Variants in CCDC13 observed in about 807,000 individuals in gnomAD.
The protein encoded by CCDC13 is coiled-coil domain containing 13, also known as coiled-coil domain-containing protein 13.
In CCDC13, 70 loss-of-function variants were observed where a neutral mutation model predicts 87.3. The ratio of observed to expected loss-of-function variants is 0.80; its 90% CI spans 0.66 to 0.98. The LOEUF is 0.98. Among genes scored for constraint, CCDC13 ranks in the 50% least tolerant of loss-of-function variants. The probability of loss-of-function intolerance (pLI) is 0.00; values close to 1 mark genes in which losing one functional copy is unlikely to be tolerated. For missense variants in CCDC13, 842 were observed against 892.0 expected (o/e 0.94, Z 0.71); for synonymous variants, 317 against 360.3 (o/e 0.88, Z 1.36).
intron 2 of CCDC13, among the ~76,000 whole-genome samples, 177 bp from the exon 3 acceptor site, chr3:42,757,391 C>A (rs1699728175): frequency 1.3e-5 from 2 of 152,164 alleles, no homozygotes; most frequent in Admixed American, 1.3e-4. Flanking sequence ...ATAAAAAAAC[C>A]CACTCATAAT....
At chr3:42,759,073 C>T (rs888677160) in intron 1 of CCDC13, among the ~76,000 whole-genome samples, 2 of 152,214 alleles carry the variant, frequency 1.3e-5, no homozygotes, top group Admixed American at 1.3e-4. Context: ...GCAATCACAG[C>T]ACTTTGGGAG....
rs554341366 is a variant in CCDC13 at position 42,706,142 on chromosome 3, G to A, written c.*2838C>T. 155 of 152,364 alleles carry A rather than the reference G, an allele frequency of 1.0e-3. No individual in the cohort carries two copies. Among genetic ancestry groups the A allele is most frequent in the Non-Finnish European group, 1.9e-3 (131 of 68,138 alleles). 9.4% of individuals were successfully genotyped at this position (152,364 alleles called of 1,614,324 possible). On this transcript the variant is annotated 3_prime_UTR_variant, in exon 16 of 16. Transcript: ENST00000310232. ...CACCTCTAGGTCCCTCCCAGGCCTGGAGAGGCTGGCATGCTGTTGGCACTC... is the reference window on the plus strand; with the variant it reads ...CACCTCTAGGTCCCTCCCAGGCCTGAAGAGGCTGGCATGCTGTTGGCACTC...
At chr3:42,770,892 C>T (rs1302081319) in intron 1 of CCDC13, 2 of 152,452 alleles carry the variant, frequency 1.3e-5, no homozygotes, top group East Asian at 1.9e-4. Context: ...ACTCTGAACA[C>T]ATCTTGACAT....
intron 1 of CCDC13, among the ~76,000 whole-genome samples, chr3:42,769,947 C>T (rs1700024950): frequency 6.6e-6 from 1 of 152,256 alleles, no homozygotes; most frequent in Non-Finnish European, 1.5e-5. Context: ...CCTGAGCCTC[C>T]CCCTGCCACC....
intron 1 of CCDC13, among the ~76,000 whole-genome samples, chr3:42,760,168 G>C (rs915133141): frequency 5.3e-5 from 8 of 151,986 alleles, no homozygotes; most frequent in Admixed American, 1.3e-4. Context: ...ACATGTGCCT[G>C]TAATCCCTGC....
At chr3:42,772,989 A>G (rs1446476781) in intron 1 of CCDC13, among the ~76,000 whole-genome samples, 187 bp downstream of exon 1, 1 of 152,118 alleles carries the variant, frequency 6.6e-6, no homozygotes, top group Non-Finnish European at 1.5e-5. Flanking sequence ...GGGTTAGAAG[A>G]GGGCTGTGTG....
chr3:42,772,970 C>T lies in CCDC13; in HGVS notation c.-7+206G>A, dbSNP rs545518246. ...ACCCATGTACTGCATGGAAAATAAGCGTCTGCCTGGGTTAGAAGAGGGCTG... is the reference window on the plus strand; with the variant it reads ...ACCCATGTACTGCATGGAAAATAAGTGTCTGCCTGGGTTAGAAGAGGGCTG... On this transcript the variant is annotated intron_variant, in intron 1 of 15. Transcript: ENST00000310232. Among the ~76,000 whole-genome samples the T allele has an allele frequency of 6.2e-4, 94 of 152,300 alleles. 1 individual carries two copies. The Middle Eastern group carries it at 0.017, about 28-fold the overall frequency.
At chr3:42,739,902 G>A in intron 8 of CCDC13, 92 bp from the exon 9 acceptor site, 1 of 1,247,284 alleles carries the variant, frequency 8.0e-7, no homozygotes, top group Non-Finnish European at 1.1e-6. Flanking sequence ...CAAGGCCCGG[G>A]GCTGGGGGTG....
In CCDC13 at chr3:42,709,778, T is replaced by C. The variant is rs562867102; in HGVS notation, c.1894A>G (p.Arg632Gly). The part of the protein sequence containing the change: ...TKTGLPTSNN[R>G]HNPTGSEKKD... ...TTCTCGCTCCCGGTTGGGTTGTGCC[T>C]GTTGTTAGAGGTGGGCAGACCTGTG... Residue 632 changes from arginine to glycine, a missense_variant, in exon 15 of 16, where the codon AGG (arginine) becomes GGG (glycine). Coordinates refer to ENST00000310232, the MANE Select transcript of CCDC13 (RefSeq NM_144719.4). 373 of 1,614,104 alleles carry C rather than the reference T, an allele frequency of 2.3e-4. 2 individuals are homozygous for C. In the South Asian group the frequency reaches 2.9e-3, roughly 13 times the overall value.
chr3:42,713,146 C>T lies in CCDC13; in HGVS notation c.1873+16G>A. 6.2e-7 allele frequency: 1 copy of T among 1,611,906 alleles called. No homozygotes were observed. Among genetic ancestry groups the T allele is most frequent in the Non-Finnish European group, 8.5e-7 (1 of 1,178,878 alleles). ...GCCTCCACCCCCTGCACTGAGACTA[C>T]TGCCCTGGCCCCTACCTGTTTTGGT... On this transcript the variant is annotated intron_variant, in intron 14 of 15. Transcript: ENST00000310232.
At chr3:42,743,216 G>T in intron 7 of CCDC13, 159 bp from the exon 8 acceptor site, 1 of 740,228 alleles carries the variant, frequency 1.4e-6, no homozygotes, top group Non-Finnish European at 2.2e-6. Flanking sequence ...GACAATCTGA[G>T]CTGGCATCTT....
At position 42,752,605 on chromosome 3, in the gene CCDC13, CA is replaced by C. The variant is rs911998224; in HGVS notation, c.482del (p.Leu161ArgfsTer16). The C allele has an allele frequency of 3.7e-6, 6 of 1,614,118 alleles. No individual in the cohort carries two copies. The African/African-American group carries it at 8.0e-5, about 22-fold the overall frequency. ...GCTCCAGCTCCTGGATGCGATTGGT[CA>C]GCTGCTTCACCCTGGTTTTTGCACC... ...SEGAKTRVKQ[L>X]TNRIQELERE... On this transcript the variant is annotated frameshift_variant, in exon 4 of 16. Coordinates refer to ENST00000310232, the MANE Select transcript of CCDC13 (RefSeq NM_144719.4). LOFTEE classifies it high-confidence loss of function.
At chr3:42,718,694 G>C (rs375356962) in intron 13 of CCDC13, among the ~76,000 whole-genome samples, 2 of 152,014 alleles carry the variant, frequency 1.3e-5, no homozygotes, top group African/African-American at 4.8e-5. Flanking sequence ...TGGTGACCAC[G>C]GAAGCGACTA....
rs771765133 is a variant in CCDC13 at position 42,721,125 on chromosome 3, T to TA, written c.1719-7810dup. 2.0e-5 allele frequency among the ~76,000 whole-genome samples: 3 copies of TA among 152,242 alleles called. No individual in the cohort carries two copies. The East Asian group carries it at 5.8e-4, about 29-fold the overall frequency. On this transcript the variant is annotated intron_variant, in intron 13 of 15. Transcript: ENST00000310232. ...CTGGTATATGTTCCAAAATTATTTT[T>TA]AAAACTCCTATAATTCTGATATGAC...
chr3:42,745,729 G>C (rs950604963), intron 7 of CCDC13, 194 bp downstream of exon 7: 4 of 503,158 alleles, frequency 7.9e-6, no homozygotes, highest in African/African-American at 1.9e-5. Context: ...ATAAGAGCTT[G>C]TTCATTAAAT....
intron 2 of CCDC13, 27 bp downstream of exon 2, chr3:42,758,098 C>A: frequency 6.4e-7 from 1 of 1,567,874 alleles, no homozygotes; most frequent in Non-Finnish European, 8.8e-7. Flanking sequence ...CACACACACC[C>A]CTGAGAGATT....
intron 13 of CCDC13, among the ~76,000 whole-genome samples, chr3:42,722,252 T>A (rs1698581209): frequency 6.6e-6 from 1 of 152,198 alleles, no homozygotes; most frequent in Non-Finnish European, 1.5e-5. Context: ...AGGAATATCA[T>A]CGCCCCTATT....
chr3:42,748,245 A>C (rs1288656752), intron 5 of CCDC13, among the ~76,000 whole-genome samples: 2 of 152,238 alleles, frequency 1.3e-5, no homozygotes, highest in African/African-American at 4.8e-5. Flanking sequence ...GATGAAAATA[A>C]GGCCCAGAGA....
chr3:42,757,102 T>C lies in CCDC13; in HGVS notation c.334A>G (p.Lys112Glu), dbSNP rs1439103604. 4.3e-6 allele frequency: 7 copies of C among 1,614,110 alleles called. No individual in the cohort carries two copies. The South Asian group carries it at 6.6e-5, about 15-fold the overall frequency. Residue 112 changes from lysine to glutamate, a missense_variant, in exon 3 of 16, where the codon AAA (lysine) becomes GAA (glutamate). Coordinates refer to ENST00000310232, the MANE Select transcript of CCDC13 (RefSeq NM_144719.4). The stretch of plus-strand genomic sequence containing the variant: ...AATCTGTCCTCTTCTATTTTCTTTT[T>C]GAGGTGTTTGATTTCAAAGTCCCTT... ...KERDFEIKHL[K>E]KKIEEDRFAF...
Sources: gnomAD v4.1 joint callset for allele counts (sites outside exome capture counted in the v4.1 genomes callset) on GRCh38, gnomAD v4.1.1 for gene constraint, MANE v1.5 for transcripts, NCBI Gene and HGNC (gene_info 2026-07-23, HGNC 2026-07-21) for gene names.